The following SLC25A53 variants were observed in gnomAD, a reference collection of about 807,000 sequenced individuals.
SLC25A53 encodes mitochondrial carrier triple repeat protein 6.
SLC25A53 carries 5 observed loss-of-function variants against 15.0 expected under a neutral mutation model. The observed-to-expected ratio is 0.33, with a 90% CI of 0.17 to 0.70. The LOEUF (loss-of-function observed/expected upper bound fraction) is 0.70. Ranked by LOEUF, SLC25A53 falls within the 30% of genes least tolerant of loss-of-function variation. The pLI, the probability that SLC25A53 is intolerant of heterozygous loss-of-function variation, is 0.67. For missense variants in SLC25A53, 216 were observed against 241.6 expected, an observed-to-expected ratio of 0.89 and a Z score of 0.70; for synonymous variants, 95 against 100.0, an observed-to-expected ratio of 0.95 and a Z score of 0.30.
Position 104,101,576 on chromosome X carries a change from T to C in SLC25A53, c.*2758A>G, listed in dbSNP as rs2075280854. On this transcript the variant is annotated 3_prime_UTR_variant, in exon 2 of 2. Transcript: ENST00000594199. ...ACAGGATCAAAGACCAAGTATATAT[T>C]TCACAATATCACATATATTGTGTGA... 8.9e-6 allele frequency: 1 copy of C among 112,681 alleles called. No individual in the cohort carries two copies. Among genetic ancestry groups the C allele is most frequent in the South Asian group, 3.6e-4 (1 of 2,749 alleles). 9.3% of individuals were successfully genotyped at this position (112,681 alleles called of 1,213,427 possible).
At chrX:104,121,918 T>TTC (rs1218987745) in intron 1 of SLC25A53, among the ~76,000 whole-genome samples, 1 of 71,215 alleles carries the variant, frequency 1.4e-5, no homozygotes, top group African/African-American at 5.2e-5. Context: ...TATATATATA[T>TTC]ATATATATAT....
rs190846471 is a variant in SLC25A53 at position 104,116,093 on chromosome X, A to G, written c.-31-10805T>C. On this transcript the variant is annotated intron_variant, in intron 1 of 1. Transcript: ENST00000594199. ...ATGTTCCAATGTTTTCTTCTTGAAC[A>G]TATCATGAGACATCAGATGGGGAAC... Among the ~76,000 whole-genome samples, 18 of 108,261 alleles carry G rather than the reference A, an allele frequency of 1.7e-4. No homozygotes were observed. In the East Asian group the frequency reaches 4.8e-3, roughly 29 times the overall value. The allele number at this position is 108,261 out of a possible 115,157, so 94.0% of individuals were successfully genotyped here.
intron 1 of SLC25A53, among the ~76,000 whole-genome samples, chrX:104,105,547 A>AAAG (rs1263530973): frequency 8.9e-6 from 1 of 112,366 alleles, no homozygotes; most frequent in Non-Finnish European, 1.9e-5. Flanking sequence ...TCCAATATTC[A>AAAG]AAGGATTACG....
chrX:104,141,356 A>T (rs1371047990), intron 1 of SLC25A53, among the ~76,000 whole-genome samples: 2 of 111,590 alleles, frequency 1.8e-5, no homozygotes, highest in African/African-American at 6.5e-5. Flanking sequence ...TTTACACCAC[A>T]TGCCAAACTT....
chrX:104,103,097 A>G lies in SLC25A53; in HGVS notation c.*1237T>C, dbSNP rs1353056988. On this transcript the variant is annotated 3_prime_UTR_variant, in exon 2 of 2. Transcript: ENST00000594199. ...GGTTGCAGTGAGCTGAGATCACACC[A>G]TTGGCACTCCAGCCTGGGCAACAAG... The G allele has an allele frequency of 1.9e-5, 2 of 106,377 alleles. No individual in the cohort carries two copies. The highest frequency in any genetic ancestry group is 7.0e-5 in the African/African-American group (2 of 28,744). 8.8% of individuals were successfully genotyped at this position (106,377 alleles called of 1,213,427 possible). A position where few individuals can be genotyped will look rare whatever the true frequency, so the allele number is the denominator to read the frequency against.
intron 1 of SLC25A53, among the ~76,000 whole-genome samples, chrX:104,150,840 C>A (rs188146187): frequency 1.8e-5 from 2 of 111,467 alleles, no homozygotes; most frequent in African/African-American, 3.3e-5. Flanking sequence ...CCATGGTGTG[C>A]GCTCTCCCTC....
At chrX:104,137,431 C>G (rs1448765909) in intron 1 of SLC25A53, among the ~76,000 whole-genome samples, 2 of 110,514 alleles carry the variant, frequency 1.8e-5, no homozygotes, top group Non-Finnish European at 3.8e-5. Flanking sequence ...CCCTGCACCC[C>G]CCAAGCCCCA....
intron 1 of SLC25A53, among the ~76,000 whole-genome samples, chrX:104,107,455 C>T (rs1321029540): frequency 8.9e-6 from 1 of 112,365 alleles, no homozygotes; most frequent in Admixed American, 9.4e-5. Flanking sequence ...CCTCTGGCCC[C>T]TGGAAGCCCC....
In SLC25A53 at chrX:104,103,879, G is replaced by A. The variant is rs149081380; in HGVS notation, c.*455C>T. On this transcript the variant is annotated 3_prime_UTR_variant, in exon 2 of 2. Coordinates refer to ENST00000594199, the MANE Select transcript of SLC25A53 (RefSeq NM_001012755.5). ...AGGCAGTGAACAATATCATGAAAAT[G>A]TAGCCATCTGAGAAGTTTTATGGAA... 732 of 117,791 alleles carry A rather than the reference G, an allele frequency of 6.2e-3. 9 individuals carry two copies. Among genetic ancestry groups the A allele is most frequent in the African/African-American group, 0.022 (685 of 30,700 alleles). The allele number at this position is 117,791 out of a possible 1,213,427, so 9.7% of individuals were successfully genotyped here.
chrX:104,119,439 A>T (rs889360406), intron 1 of SLC25A53, among the ~76,000 whole-genome samples: 8 of 111,993 alleles, frequency 7.1e-5, no homozygotes, highest in Non-Finnish European at 1.5e-4. Flanking sequence ...GAAATAAAAT[A>T]CCAACAGTAA....
Position 104,101,818 on chromosome X carries a change from G to A in SLC25A53, c.*2516C>T, listed in dbSNP as rs2075282031. ...AAATGGGGAGAAACATTAATAATAGGGGAATTAGGGTAAAGGGGACATGGG... is the reference window on the plus strand; with the variant it reads ...AAATGGGGAGAAACATTAATAATAGAGGAATTAGGGTAAAGGGGACATGGG... On this transcript the variant is annotated 3_prime_UTR_variant, in exon 2 of 2. Transcript: ENST00000594199. 9.0e-6 allele frequency: 1 copy of A among 111,639 alleles called. No individual in the cohort carries two copies. Among genetic ancestry groups the A allele is most frequent in the African/African-American group, 3.3e-5 (1 of 30,700 alleles). 9.2% of individuals were successfully genotyped at this position (111,639 alleles called of 1,213,427 possible).
intron 1 of SLC25A53, among the ~76,000 whole-genome samples, chrX:104,153,908 G>T (rs1208818212): frequency 8.9e-6 from 1 of 112,053 alleles, no homozygotes; most frequent in Non-Finnish European, 1.9e-5. Context: ...ACCTAGGGAA[G>T]AAACTACAGG....
At chrX:104,130,139 C>A (rs1391755194) in intron 1 of SLC25A53, among the ~76,000 whole-genome samples, 1 of 111,045 alleles carries the variant, frequency 9.0e-6, no homozygotes, top group East Asian at 2.8e-4. Context: ...CATCCACCAC[C>A]AATCCAACTG....
At chrX:104,143,319 T>C (rs1455306290) in intron 1 of SLC25A53, among the ~76,000 whole-genome samples, 1 of 111,692 alleles carries the variant, frequency 9.0e-6, no homozygotes, top group Non-Finnish European at 1.9e-5. Flanking sequence ...TAAAGGAGCA[T>C]GTTCTAACCC....
chrX:104,109,545 T>C (rs1178884533), intron 1 of SLC25A53, among the ~76,000 whole-genome samples: 1 of 112,384 alleles, frequency 8.9e-6, no homozygotes, highest in Non-Finnish European at 1.9e-5. Context: ...AAGATAACAA[T>C]TAAATTGTTC....
intron 1 of SLC25A53, among the ~76,000 whole-genome samples, chrX:104,151,933 G>A (rs1251166816): frequency 8.9e-6 from 1 of 112,122 alleles, no homozygotes; most frequent in Non-Finnish European, 1.9e-5. Flanking sequence ...GAGGTGCAGG[G>A]TAAGTGCACA....
chrX:104,136,644 T>C (rs1419751574), intron 1 of SLC25A53, among the ~76,000 whole-genome samples: 1 of 112,112 alleles, frequency 8.9e-6, no homozygotes, highest in Admixed American at 9.5e-5. Flanking sequence ...AATTCCCCAG[T>C]GCAGTTTGCT....
intron 1 of SLC25A53, chrX:104,115,377 G>C: frequency 1.9e-6 from 2 of 1,039,112 alleles, no homozygotes; most frequent in Non-Finnish European, 2.6e-6. Flanking sequence ...TCTGGTAATG[G>C]GAATAACAGG....
chrX:104,122,822 C>A (rs1037741992), intron 1 of SLC25A53, among the ~76,000 whole-genome samples: 3 of 111,337 alleles, frequency 2.7e-5, no homozygotes, highest in Non-Finnish European at 3.8e-5. Flanking sequence ...ATAAAGGTGG[C>A]TGATCAGGTT....
Sources: gnomAD v4.1 joint callset for allele counts (sites outside exome capture counted in the v4.1 genomes callset) on GRCh38, gnomAD v4.1.1 for gene constraint, MANE v1.5 for transcripts, NCBI Gene and HGNC (gene_info 2026-07-23, HGNC 2026-07-21) for gene names.